RYR1: variants seen among roughly 807,000 people sequenced by gnomAD.
RYR1 encodes ryanodine receptor 1, also known as central core disease of muscle.
A neutral mutation model predicts 583.5 loss-of-function variants in RYR1; 342 were observed. The observed-to-expected ratio is 0.59, with a 90% CI of 0.54 to 0.64. The LOEUF is 0.64. Ranked by LOEUF, RYR1 falls within the 30% of genes least tolerant of loss-of-function variation. RYR1 has a pLI of 0.00. For missense variants in RYR1, 6,032 were observed against 6,917.2 expected, an observed-to-expected ratio of 0.87 and a Z score of 4.54; for synonymous variants, 2,791 against 2,822.5, an observed-to-expected ratio of 0.99 and a Z score of 0.35.
intron 84 of RYR1, among the ~76,000 whole-genome samples, chr19:38,539,758 T>C (rs1420400998): frequency 6.6e-6 from 1 of 152,182 alleles, no homozygotes; most frequent in East Asian, 1.9e-4. Context: ...CCCTTGCATG[T>C]CTTGAGGAGT....
At chr19:38,440,516 G>T (rs1972621112) in intron 1 of RYR1, among the ~76,000 whole-genome samples, 1 of 152,186 alleles carries the variant, frequency 6.6e-6, no homozygotes, top group Non-Finnish European at 1.5e-5. Flanking sequence ...TCCAGCCTGG[G>T]CAACAGAGAC....
chr19:38,458,783 C>T (rs1402470963), intron 18 of RYR1, among the ~76,000 whole-genome samples: 1 of 152,120 alleles, frequency 6.6e-6, no homozygotes, highest in Non-Finnish European at 1.5e-5. Flanking sequence ...CACCACCACG[C>T]CCGGCTCATT....
At position 38,485,238 on chromosome 19, in the gene RYR1, C is replaced by T. The variant is rs562119593; in HGVS notation, c.4935-352C>T. Among the ~76,000 whole-genome samples, 9 of 152,190 alleles carry T rather than the reference C, an allele frequency of 5.9e-5. No homozygotes were observed. In the South Asian group the frequency reaches 1.9e-3, roughly 32 times the overall value. ...CGAAGTCCCAGACCATCCCAGGGAC[C>T]CCAGAGGTATCCCAGGGGCCCCCAG... On this transcript the variant is annotated intron_variant, in intron 33 of 105. Transcript: ENST00000359596.
chr19:38,531,848 T>G (rs1309885222), intron 76 of RYR1, among the ~76,000 whole-genome samples: 1 of 152,128 alleles, frequency 6.6e-6, no homozygotes, highest in Non-Finnish European at 1.5e-5. Flanking sequence ...GAGGCTGCAG[T>G]AAGCCTTGAT....
At chr19:38,574,143 C>G (rs965727004) in intron 96 of RYR1, among the ~76,000 whole-genome samples, 3 of 151,590 alleles carry the variant, frequency 2.0e-5, no homozygotes, top group Non-Finnish European at 4.4e-5. Flanking sequence ...GCCTGTGGTC[C>G]TAGCTACTCC....
chr19:38,496,364 G>A lies in RYR1; in HGVS notation c.6663+35G>A, dbSNP rs1326355758. On this transcript the variant is annotated intron_variant, in intron 40 of 105. Transcript: ENST00000359596. This position sits in a 1 kb window ranked among gnomAD's most constrained non-coding sequence, Gnocchi z 4.8. ...CAGGCAGGTGCTGGGGAGCTCAGGG[G>A]AGGCAGCCACAGAGGGCAGGCCCTG... 6.2e-7 allele frequency: 1 copy of A among 1,613,674 alleles called. No individual in the cohort carries two copies. The highest frequency in any genetic ancestry group is 1.3e-5 in the African/African-American group (1 of 74,936).
intron 57 of RYR1, among the ~76,000 whole-genome samples, chr19:38,507,372 G>A (rs1405791551): frequency 6.8e-5 from 10 of 147,938 alleles, no homozygotes; most frequent in African/African-American, 2.5e-4. Context: ...GAGCACAGGC[G>A]GGGCCAGAGA....
chr19:38,490,422 C>A, intron 36 of RYR1, 146 bp downstream of exon 36: 1 of 914,006 alleles, frequency 1.1e-6, no homozygotes, highest in Non-Finnish European at 1.7e-6. Flanking sequence ...CTCTCTGAAT[C>A]AACCTGACCT....
intron 96 of RYR1, among the ~76,000 whole-genome samples, chr19:38,574,114 A>G (rs751885873): frequency 2.0e-5 from 3 of 151,880 alleles, no homozygotes; most frequent in Non-Finnish European, 2.9e-5. Flanking sequence ...AAATACAAAA[A>G]GTAGGCATGG....
intron 16 of RYR1, among the ~76,000 whole-genome samples, chr19:38,456,115 G>A (rs1398394087): frequency 6.7e-6 from 1 of 149,782 alleles, no homozygotes; most frequent in Non-Finnish European, 1.5e-5. Context: ...GGGACTACAG[G>A]CACACACCAC....
At chr19:38,522,254 G>A (rs1229651653) in intron 67 of RYR1, among the ~76,000 whole-genome samples, 1 of 152,064 alleles carries the variant, frequency 6.6e-6, no homozygotes, top group Middle Eastern at 3.2e-3. Flanking sequence ...TGTATTGCAT[G>A]CATGTATTAT....
At chr19:38,509,552 C>T (rs1671535438) in intron 58 of RYR1, among the ~76,000 whole-genome samples, 2 of 150,718 alleles carry the variant, frequency 1.3e-5, no homozygotes, top group South Asian at 2.1e-4. Context: ...TCCAGATTCA[C>T]GCCATTCTCC....
chr19:38,584,211 C>T (rs1371652249), intron 101 of RYR1, among the ~76,000 whole-genome samples: 3 of 151,308 alleles, frequency 2.0e-5, no homozygotes, highest in Non-Finnish European at 3.0e-5. Flanking sequence ...ACCCCAGCCT[C>T]GACCCTCTGC....
chr19:38,467,218 T>C (rs1968159160), intron 24 of RYR1, among the ~76,000 whole-genome samples: 1 of 152,144 alleles, frequency 6.6e-6, no homozygotes. Context: ...GGCCCCAACC[T>C]GAATTTCCAT....
chr19:38,450,780 T>TAAATAAAC (rs1967034370), intron 11 of RYR1, among the ~76,000 whole-genome samples: 1 of 151,282 alleles, frequency 6.6e-6, no homozygotes, highest in East Asian at 1.9e-4. Flanking sequence ...AAACAATAAA[T>TAAATAAAC]AAATAAATAA....
At position 38,517,363 on chromosome 19, in the gene RYR1, G is replaced by A. The variant is rs2304151; in HGVS notation, c.9690G>A (p.Leu3230=). 0.072 allele frequency: 116,768 copies of A among 1,613,208 alleles called. 4,932 individuals are homozygous for A. Among genetic ancestry groups the A allele is most frequent in the South Asian group, 0.15 (13,997 of 91,052 alleles). Residue 3230 remains leucine, a synonymous_variant, in exon 66 of 106, where the codon CTG becomes CTA. Transcript: ENST00000359596. ...TTKSPRERAI[L]GLPNSVEEMC... ...GCCCCCGTCCCTGTACCCCAGTCCTGGGGCTCCCCAACAGTGTGGAGGAGA... is the reference window on the plus strand; with the variant it reads ...GCCCCCGTCCCTGTACCCCAGTCCTAGGGCTCCCCAACAGTGTGGAGGAGA...
chr19:38,551,745 A>G (rs968662619), intron 89 of RYR1, among the ~76,000 whole-genome samples: 3 of 151,926 alleles, frequency 2.0e-5, no homozygotes, highest in Non-Finnish European at 2.9e-5. Flanking sequence ...CTGAGGGGCA[A>G]TGCCTGCTTC....
rs761285553 is a variant in RYR1 at position 38,457,533 on chromosome 19, G to A, written c.1828G>A (p.Gly610Ser). 1.9e-6 allele frequency: 3 copies of A among 1,613,958 alleles called. No homozygotes were observed. Among genetic ancestry groups the A allele is most frequent in the South Asian group, 2.2e-5 (2 of 91,078 alleles). The part of the protein sequence containing the change: ...DVLCSLCVCN[G>S]VAVRSNQDLI... The stretch of plus-strand genomic sequence containing the variant: ...GCTATGCTCCCTGTGTGTGTGTAAT[G>A]GTGTGGCTGTACGCTCCAACCAAGA... Residue 610 changes from glycine to serine, a missense_variant, in exon 17 of 106, where the codon GGT becomes AGT. By Grantham distance (56) the Gly-to-Ser change is moderately conservative. Around this residue, in one of 11 missense-constraint regions of RYR1, gnomAD observed 2,627 missense variants for 2,961.3 expected, o/e 0.89. Coordinates refer to ENST00000359596, the MANE Select transcript of RYR1 (RefSeq NM_000540.3).
At chr19:38,478,020 G>A (rs902473728) in intron 30 of RYR1, 150 bp downstream of exon 30, 11 of 753,208 alleles carry the variant, frequency 1.5e-5, no homozygotes, top group Middle Eastern at 3.7e-4. Context: ...CACCCAGCTC[G>A]GAAGCTTCCC....
Sources: allele counts gnomAD v4.1 joint callset (sites outside exome capture counted in the v4.1 genomes callset), GRCh38; gene constraint gnomAD v4.1.1; regional missense constraint gnomAD v4.1.1; non-coding constraint Gnocchi (gnomAD v3.1); transcripts MANE v1.5; gene names NCBI Gene and HGNC (gene_info 2026-07-23, HGNC 2026-07-21).